Variants in STUM observed in about 807,000 individuals in gnomAD.
STUM encodes stum, mechanosensory transduction mediator homolog.
Under a neutral mutation model 15.3 loss-of-function variants are expected in STUM, and 8 were observed. The ratio of observed to expected loss-of-function variants is 0.52; its 90% CI spans 0.31 to 0.94. The LOEUF is 0.94. Among genes scored for constraint, STUM ranks in the 40% least tolerant of loss-of-function variants. STUM has a pLI of 0.05. For synonymous variants in STUM, 78 were observed against 88.7 expected, an observed-to-expected ratio of 0.88 and a Z score of 0.68; for missense variants, 142 against 204.9, an observed-to-expected ratio of 0.69 and a Z score of 1.87.
chr1:226,575,520 C>T (rs1293031469), intron 1 of STUM, among the ~76,000 whole-genome samples: 1 of 152,324 alleles, frequency 6.6e-6, no homozygotes, highest in East Asian at 1.9e-4. Context: ...CGAGGCCTGG[C>T]TGGGCTCTGG....
chr1:226,560,979 G>A (rs1667532802), intron 1 of STUM, among the ~76,000 whole-genome samples: 1 of 152,134 alleles, frequency 6.6e-6, no homozygotes, highest in East Asian at 1.9e-4. Context: ...TGTTGCTCCT[G>A]CTATACCCTC....
At chr1:226,595,821 G>A (rs1423702240) in intron 1 of STUM, among the ~76,000 whole-genome samples, 1 of 152,192 alleles carries the variant, frequency 6.6e-6, no homozygotes, top group African/African-American at 2.4e-5. Context: ...GAAAAGGCAA[G>A]GAAGTAGATT....
chr1:226,571,486 G>T (rs1263461803), intron 1 of STUM, among the ~76,000 whole-genome samples: 1 of 152,132 alleles, frequency 6.6e-6, no homozygotes, highest in African/African-American at 2.4e-5. Context: ...TTTGGTTATT[G>T]TCTGCATTTA....
At chr1:226,571,163 G>A (rs1010406249) in intron 1 of STUM, among the ~76,000 whole-genome samples, 4 of 152,174 alleles carry the variant, frequency 2.6e-5, no homozygotes, top group East Asian at 3.9e-4. Flanking sequence ...CCCGGGAGAC[G>A]GAGGTTGCAG....
chr1:226,549,207 G>A lies in STUM; in HGVS notation c.202+101G>A. 2 of 1,044,772 alleles carry A rather than the reference G, an allele frequency of 1.9e-6. No homozygotes were observed. The highest frequency in any genetic ancestry group is 3.0e-5 in the East Asian group (1 of 33,406). 64.7% of individuals were successfully genotyped at this position (1,044,772 alleles called of 1,614,324 possible). A position where few individuals can be genotyped will look rare whatever the true frequency, so the allele number is the denominator to read the frequency against. Reference sequence around the variant, plus strand: ...CGGAGACCTCCTGGCGGGGCCGCGCGCTCCAAGTGCTGCGACCACGCGCCA... The same window carrying A: ...CGGAGACCTCCTGGCGGGGCCGCGCACTCCAAGTGCTGCGACCACGCGCCA... On this transcript the variant is annotated intron_variant, in intron 1 of 3. Coordinates refer to ENST00000366788, the MANE Select transcript of STUM (RefSeq NM_001003665.4). The surrounding 1 kb of genome is among the most constrained non-coding windows in gnomAD (Gnocchi z 6.8).
intron 1 of STUM, among the ~76,000 whole-genome samples, chr1:226,558,895 C>T (rs893060039): frequency 3.3e-5 from 5 of 152,252 alleles, no homozygotes; most frequent in Admixed American, 2.0e-4. Context: ...GGTGTGTCTT[C>T]GGCATGGGAA....
rs1667637401 is a variant in STUM at position 226,567,161 on chromosome 1, C to T, written c.202+18055C>T. ...CCAGTAGGGTGGTGAGGCCGGGGCACCTGCTCTGCTAATCAACAGTCCTGT... is the reference window on the plus strand; with the variant it reads ...CCAGTAGGGTGGTGAGGCCGGGGCATCTGCTCTGCTAATCAACAGTCCTGT... On this transcript the variant is annotated intron_variant, in intron 1 of 3. Coordinates refer to ENST00000366788, the MANE Select transcript of STUM (RefSeq NM_001003665.4). This position sits in a 1 kb window ranked among gnomAD's most constrained non-coding sequence, Gnocchi z 4.5. Among the ~76,000 whole-genome samples the T allele has an allele frequency of 6.6e-6, 1 of 152,160 alleles. No individual in the cohort carries two copies. Among genetic ancestry groups the T allele is most frequent in the African/African-American group, 2.4e-5 (1 of 41,424 alleles).
rs901082387 is a variant in STUM at position 226,549,327 on chromosome 1, C to T, written c.202+221C>T. On this transcript the variant is annotated intron_variant, in intron 1 of 3. Transcript: ENST00000366788. The surrounding 1 kb of genome is among the most constrained non-coding windows in gnomAD (Gnocchi z 6.8). ...TGCGCTGGGGTCTCCGACCCGCAGG[C>T]GGGGCCCCAAAGAGCCGGAAACTTT... is the stretch of plus-strand genomic sequence containing the variant. Among the ~76,000 whole-genome samples, 4 of 152,146 alleles carry T rather than the reference C, an allele frequency of 2.6e-5. No individual in the cohort carries two copies. Among genetic ancestry groups the T allele is most frequent in the Non-Finnish European group, 2.9e-5 (2 of 68,018 alleles).
chr1:226,601,425 A>T, intron 3 of STUM, among the ~76,000 whole-genome samples: 1 of 152,242 alleles, frequency 6.6e-6, no homozygotes, highest in Non-Finnish European at 1.5e-5. Context: ...ATACCCTTTC[A>T]CACCTAAATA....
intron 1 of STUM, among the ~76,000 whole-genome samples, chr1:226,594,403 C>A (rs1214696419): frequency 1.3e-5 from 2 of 152,286 alleles, no homozygotes; most frequent in Non-Finnish European, 2.9e-5. Context: ...CTGAGAGAAT[C>A]GAACGTGAGG....
chr1:226,594,439 T>G (rs555887086), intron 1 of STUM, among the ~76,000 whole-genome samples: 1 of 152,212 alleles, frequency 6.6e-6, no homozygotes, highest in Non-Finnish European at 1.5e-5. Flanking sequence ...ACCAGTCTTT[T>G]GGTCAATTTC....
Position 226,607,864 on chromosome 1 carries a change from T to C in STUM, c.*5824T>C, listed in dbSNP as rs538999990. The stretch of plus-strand genomic sequence containing the variant: ...CCCCCACATGGACAGAGGCACACAC[T>C]CGCACACATTCCCAGCACCTTTGAC... On this transcript the variant is annotated 3_prime_UTR_variant, in exon 4 of 4. Transcript: ENST00000366788. 1 of 152,488 alleles carries C rather than the reference T, an allele frequency of 6.6e-6. No homozygotes were observed. The highest frequency in any genetic ancestry group is 2.1e-4 in the South Asian group (1 of 4,828). 9.4% of individuals were successfully genotyped at this position (152,488 alleles called of 1,614,324 possible). A position where few individuals can be genotyped will look rare whatever the true frequency, so the allele number is the denominator to read the frequency against.
intron 1 of STUM, among the ~76,000 whole-genome samples, chr1:226,559,835 TG>T (rs1667508681): frequency 6.6e-6 from 1 of 152,214 alleles, no homozygotes; most frequent in East Asian, 1.9e-4. Context: ...TAGCCGGGCA[TG>T]GTGGCGGGTG....
chr1:226,592,031 CTTATTA>C (rs1439251605), intron 1 of STUM, among the ~76,000 whole-genome samples: 2 of 151,598 alleles, frequency 1.3e-5, no homozygotes, highest in Non-Finnish European at 2.9e-5. Context: ...AGGTTCTTTC[CTTATTA>C]TTATTAATTT....
In STUM at chr1:226,565,751, C is replaced by G. The variant is rs1667611631; in HGVS notation, c.202+16645C>G. Among the ~76,000 whole-genome samples, 1 of 152,176 alleles carries G rather than the reference C, an allele frequency of 6.6e-6. No homozygotes were observed. Among genetic ancestry groups the G allele is most frequent in the African/African-American group, 2.4e-5 (1 of 41,450 alleles). The stretch of plus-strand genomic sequence containing the variant: ...TCGCCCACGCTTGGCTCAGAGATCT[C>G]TGGGCTGCACCTCCTGCCCAGAGGA... On this transcript the variant is annotated intron_variant, in intron 1 of 3. Transcript: ENST00000366788. The surrounding 1 kb of genome is among the most constrained non-coding windows in gnomAD (Gnocchi z 4.4).
chr1:226,597,930 G>A (rs1381847051), intron 2 of STUM, among the ~76,000 whole-genome samples: 2 of 152,238 alleles, frequency 1.3e-5, no homozygotes, highest in African/African-American at 4.8e-5. Flanking sequence ...ACCCCAGGCT[G>A]GACCAGAGGC....
chr1:226,570,756 G>A (rs74691153), intron 1 of STUM, among the ~76,000 whole-genome samples: 1,819 of 152,294 alleles, frequency 0.012, 29 homozygotes, highest in Middle Eastern at 0.024. Flanking sequence ...AGATATTAGA[G>A]ACCTAAATCC....
At chr1:226,582,783 T>C (rs1667940241) in intron 1 of STUM, among the ~76,000 whole-genome samples, 2 of 152,182 alleles carry the variant, frequency 1.3e-5, no homozygotes, top group Non-Finnish European at 1.5e-5. Context: ...TCTTGTTCTC[T>C]GATGGAGCTG....
chr1:226,597,011 G>C (rs371610492), intron 2 of STUM, 30 bp downstream of exon 2: 3 of 1,609,200 alleles, frequency 1.9e-6, no homozygotes, highest in Non-Finnish European at 2.6e-6. Flanking sequence ...GCGCCTCCTG[G>C]GGGTGGGGAG....
Sources: allele counts gnomAD v4.1 joint callset (sites outside exome capture counted in the v4.1 genomes callset), GRCh38; gene constraint gnomAD v4.1.1; non-coding constraint Gnocchi (gnomAD v3.1); transcripts MANE v1.5; gene names NCBI Gene and HGNC (gene_info 2026-07-23, HGNC 2026-07-21).